Variants in TMEM65 observed in about 807,000 individuals in gnomAD.
TMEM65 encodes the protein transmembrane protein 65.
Under a neutral mutation model 25.4 loss-of-function variants are expected in TMEM65, and 22 were observed. That is an observed-to-expected ratio of 0.86 (90% CI 0.62 to 1.23). The LOEUF (loss-of-function observed/expected upper bound fraction) is 1.23, where lower values mean the gene tolerates loss of function less well. TMEM65 is among the 50% of genes most tolerant of loss of function. TMEM65 has a pLI of 0.00. For missense variants in TMEM65, 262 were observed against 308.2 expected (o/e 0.85, Z 1.12); for synonymous variants, 132 against 126.2 (o/e 1.05, Z -0.31).
Position 124,337,759 on chromosome 8 carries a change from A to C in TMEM65, c.305-6967T>G, listed in dbSNP as rs149208733. 4.0e-4 allele frequency among the ~76,000 whole-genome samples: 61 copies of C among 152,118 alleles called. No homozygotes were observed. In the East Asian group the frequency reaches 7.9e-3, roughly 20 times the overall value. On this transcript the variant is annotated intron_variant, in intron 1 of 6. Coordinates refer to ENST00000297632, the MANE Select transcript of TMEM65 (RefSeq NM_194291.3). ...AAGTAGAGTTTTAAGAAGTCAACAA[A>C]GCCTTTTCCTTTGACTCCGCATTTT...
At chr8:124,363,069 G>C (rs1310392591) in intron 1 of TMEM65, among the ~76,000 whole-genome samples, 1 of 152,156 alleles carries the variant, frequency 6.6e-6, no homozygotes, top group African/African-American at 2.4e-5. Context: ...TTTTGATTAA[G>C]TGCGTTAAAT....
At chr8:124,363,992 T>C (rs1814907887) in intron 1 of TMEM65, among the ~76,000 whole-genome samples, 1 of 152,078 alleles carries the variant, frequency 6.6e-6, no homozygotes, top group Non-Finnish European at 1.5e-5. Flanking sequence ...ACCATAGCCT[T>C]TGCAGTAGAA....
chr8:124,355,226 T>C lies in TMEM65; in HGVS notation c.304+16628A>G, dbSNP rs766462239. On this transcript the variant is annotated intron_variant, in intron 1 of 6. Coordinates refer to ENST00000297632, the MANE Select transcript of TMEM65 (RefSeq NM_194291.3). ...CAATTCACCTTTTTTCAAATTGTCA[T>C]TAAGAAGTCCCTTTGAGCAGAAAAA... Among the ~76,000 whole-genome samples the C allele has an allele frequency of 4.9e-4, 74 of 152,080 alleles. 1 individual carries two copies. The highest frequency in any genetic ancestry group is 3.3e-4 in the Admixed American group (5 of 15,278).
chr8:124,316,505 TAGA>T (rs1271256230), intron 6 of TMEM65, among the ~76,000 whole-genome samples: 2 of 152,042 alleles, frequency 1.3e-5, no homozygotes, highest in African/African-American at 2.4e-5. Context: ...TGTTACAGAG[TAGA>T]AGATTTGATT....
chr8:124,319,213 A>G (rs1029065069), intron 6 of TMEM65, among the ~76,000 whole-genome samples: 4 of 152,128 alleles, frequency 2.6e-5, no homozygotes, highest in African/African-American at 9.7e-5. Context: ...GTCACCACTC[A>G]AATGTCCTAT....
intron 5 of TMEM65, 88 bp downstream of exon 5, chr8:124,322,017 C>A (rs984789876): frequency 5.1e-6 from 5 of 974,194 alleles, no homozygotes; most frequent in South Asian, 1.7e-5. Context: ...ATGAAATATT[C>A]TTTTGTTATG....
At chr8:124,333,631 C>T (rs1271772754) in intron 1 of TMEM65, among the ~76,000 whole-genome samples, 5 of 152,142 alleles carry the variant, frequency 3.3e-5, no homozygotes, top group Admixed American at 1.3e-4. Flanking sequence ...AACCTCTTAT[C>T]AGAGGAATTC....
intron 6 of TMEM65, 106 bp from the exon 7 acceptor site, chr8:124,314,167 C>T: frequency 2.5e-6 from 2 of 789,954 alleles, no homozygotes; most frequent in Non-Finnish European, 4.2e-6. Context: ...ATTTGCTACC[C>T]TTCATATATA....
chr8:124,330,035 T>G (rs1814412653), intron 2 of TMEM65, among the ~76,000 whole-genome samples: 1 of 151,934 alleles, frequency 6.6e-6, no homozygotes, highest in African/African-American at 2.4e-5. Flanking sequence ...TGCTCTCTAG[T>G]ATATAATGAT....
intron 1 of TMEM65, among the ~76,000 whole-genome samples, chr8:124,336,705 A>G (rs1814511774): frequency 6.6e-6 from 1 of 151,992 alleles, no homozygotes; most frequent in Non-Finnish European, 1.5e-5. Flanking sequence ...ACAGTTTGAA[A>G]TACTTACATT....
intron 1 of TMEM65, among the ~76,000 whole-genome samples, chr8:124,346,035 G>A (rs13250065): frequency 0.41 from 62,424 of 152,048 alleles, 13,172 homozygotes; most frequent in East Asian, 0.56. Context: ...ATAAGCCACC[G>A]TGCCCTGCCA....
chr8:124,355,267 C>T (rs12674701), intron 1 of TMEM65, among the ~76,000 whole-genome samples: 136,695 of 151,954 alleles, frequency 0.9, 61,602 homozygotes, highest in East Asian at 1. Context: ...AATTCTAGGA[C>T]GTTTTTTAAA....
In TMEM65 at chr8:124,324,699, T is replaced by C. The variant is rs1814346302; in HGVS notation, c.418-1324A>G. 2.0e-5 allele frequency among the ~76,000 whole-genome samples: 3 copies of C among 152,040 alleles called. No homozygotes were observed. In the South Asian group the frequency reaches 6.2e-4, roughly 31 times the overall value. ...TAAAAAATAGTTAAGTGCTTAATCA[T>C]TTGGTTGAATGTAACACAGCTGAAG... On this transcript the variant is annotated intron_variant, in intron 3 of 6. Coordinates refer to ENST00000297632, the MANE Select transcript of TMEM65 (RefSeq NM_194291.3).
chr8:124,356,601 A>T (rs995651724), intron 1 of TMEM65, among the ~76,000 whole-genome samples: 1 of 152,198 alleles, frequency 6.6e-6, no homozygotes, highest in East Asian at 1.9e-4. Flanking sequence ...AACTGCTCTG[A>T]CAAAGACATC....
intron 1 of TMEM65, among the ~76,000 whole-genome samples, chr8:124,340,162 G>GA (rs1814567906): frequency 6.6e-6 from 1 of 152,124 alleles, no homozygotes; most frequent in African/African-American, 2.4e-5. Context: ...CCACTGGCCA[G>GA]AAAAACAATT....
intron 2 of TMEM65, among the ~76,000 whole-genome samples, chr8:124,329,097 G>A (rs1158662194): frequency 1.5e-5 from 2 of 134,164 alleles, no homozygotes; most frequent in African/African-American, 5.7e-5. Flanking sequence ...AAGTAAAAAT[G>A]TCCAAGATCA....
At position 124,372,069 on chromosome 8, in the gene TMEM65, G is replaced by T; in HGVS notation, c.89C>A (p.Ser30Tyr). 8.7e-7 allele frequency: 1 copy of T among 1,152,480 alleles called. No individual in the cohort carries two copies. Among genetic ancestry groups the T allele is most frequent in the South Asian group, 4.2e-5 (1 of 23,724 alleles). The allele number at this position is 1,152,480 out of a possible 1,614,324, so 71.4% of individuals were successfully genotyped here. The change falls in exon 1 of 7, where the codon TCC becomes TAC. Residue 30 changes from serine (S) to tyrosine (Y), a missense_variant. By Grantham distance (144) the Ser-to-Tyr change is moderately radical. Transcript: ENST00000297632. The stretch of plus-strand genomic sequence containing the variant: ...CAGCCCCCGCCCGCAGCAGCACCAG[G>T]ACGGCGGGCGGGGCGCGGCGGCGGC... Reference protein sequence around the residue: ...PAAAAAPRPPSWCCCGRGLLA... With the variant: ...PAAAAAPRPPYWCCCGRGLLA...
At position 124,309,705 on chromosome 8, in the gene TMEM65, GTTTCA is replaced by G. The variant is rs1414533615; in HGVS notation, c.*4250_*4254del. 9 of 152,204 alleles carry G rather than the reference GTTTCA, an allele frequency of 5.9e-5. No homozygotes were observed. The East Asian group carries it at 1.7e-3, about 29-fold the overall frequency. The allele number at this position is 152,204 out of a possible 1,614,324, so 9.4% of individuals were successfully genotyped here. A position where few individuals can be genotyped will look rare whatever the true frequency, so the allele number is the denominator to read the frequency against. On this transcript the variant is annotated 3_prime_UTR_variant, in exon 7 of 7. Transcript: ENST00000297632. ...TGGTACTTTCTATCCTCTTTATCTT[GTTTCA>G]TTTATCTCTATAGAACTTACCACCA... is the stretch of plus-strand genomic sequence containing the variant.
intron 1 of TMEM65, among the ~76,000 whole-genome samples, chr8:124,340,977 T>C (rs1179270930): frequency 3.3e-5 from 5 of 152,110 alleles, no homozygotes; most frequent in African/African-American, 7.2e-5. Context: ...TTATGATTCA[T>C]AGATTTGCAA....
Sources: gnomAD v4.1 joint callset for allele counts (sites outside exome capture counted in the v4.1 genomes callset) on GRCh38, gnomAD v4.1.1 for gene constraint, MANE v1.5 for transcripts, NCBI Gene and HGNC (gene_info 2026-07-23, HGNC 2026-07-21) for gene names.